Variants in POLA1 observed in about 807,000 individuals in gnomAD.
The protein encoded by POLA1 is DNA polymerase alpha catalytic subunit.
In POLA1, 15 loss-of-function variants were observed where a neutral mutation model predicts 124.0. That is an observed-to-expected ratio of 0.12 (90% CI 0.08 to 0.19). POLA1 has a LOEUF of 0.19. Ranked by LOEUF, POLA1 falls within the 10% of genes least tolerant of loss-of-function variation. The pLI, the probability that POLA1 is intolerant of heterozygous loss-of-function variation, is 1.00. For missense variants in POLA1, 886 were observed against 1,103.4 expected, an observed-to-expected ratio of 0.80 and a Z score of 2.79; for synonymous variants, 408 against 389.4, an observed-to-expected ratio of 1.05 and a Z score of -0.56.
rs190869214 is a variant in POLA1, at chrX:24,723,954, C to T, written c.1201-381C>T. ...TTGGCCTCCCAAAGTGCTGGGATTA[C>T]AGGCATGAGCCACTGCGCTCAGTCT... On this transcript the variant is annotated intron_variant, in intron 11 of 36. Coordinates refer to ENST00000379068, the MANE Select transcript of POLA1 (RefSeq NM_001330360.2). Among the ~76,000 whole-genome samples, 137 of 112,925 alleles carry T rather than the reference C, an allele frequency of 1.2e-3. 1 individual carries two copies. Among genetic ancestry groups the T allele is most frequent in the African/African-American group, 4.0e-3 (126 of 31,146 alleles).
intron 31 of POLA1, among the ~76,000 whole-genome samples, chrX:24,825,026 A>G (rs1213649659): frequency 8.9e-6 from 1 of 111,754 alleles, no homozygotes; most frequent in East Asian, 2.8e-4. Flanking sequence ...TAAATTGTTC[A>G]GATTTTATGT....
intron 36 of POLA1, among the ~76,000 whole-genome samples, chrX:24,962,269 T>TAA (rs779845989): frequency 9.1e-6 from 1 of 110,480 alleles, no homozygotes; most frequent in African/African-American, 3.3e-5. Context: ...TGAAAAACTG[T>TAA]AAAAAAAAGT....
At chrX:24,884,592 G>A (rs2047042172) in intron 34 of POLA1, among the ~76,000 whole-genome samples, 1 of 112,086 alleles carries the variant, frequency 8.9e-6, no homozygotes, top group African/African-American at 3.2e-5. Context: ...TATGATTAGG[G>A]CCTATTTCCT....
At chrX:24,788,831 C>T in intron 26 of POLA1, 1 of 1,191,671 alleles carries the variant, frequency 8.4e-7, no homozygotes, top group Non-Finnish European at 1.1e-6. Context: ...ATCGGCAGGA[C>T]CATACTTGCC....
At chrX:24,757,304 G>A (rs1196893874) in intron 26 of POLA1, among the ~76,000 whole-genome samples, 1 of 110,942 alleles carries the variant, frequency 9.0e-6, no homozygotes, top group Non-Finnish European at 1.9e-5. Context: ...TGGTAATTCA[G>A]ATGGAATGAG....
chrX:24,813,141 A>G (rs779622695), intron 29 of POLA1, among the ~76,000 whole-genome samples: 1 of 111,205 alleles, frequency 9.0e-6, no homozygotes, highest in South Asian at 3.9e-4. Flanking sequence ...TTCACACTTC[A>G]GATCCTTATA....
intron 26 of POLA1, among the ~76,000 whole-genome samples, chrX:24,798,523 T>G (rs1327380095): frequency 9.0e-6 from 1 of 111,582 alleles, no homozygotes; most frequent in Non-Finnish European, 1.9e-5. Flanking sequence ...TAACATTTTT[T>G]TCTATAGTTT....
intron 36 of POLA1, among the ~76,000 whole-genome samples, chrX:24,966,016 G>A (rs758565259): frequency 1.8e-5 from 2 of 111,798 alleles, no homozygotes; most frequent in South Asian, 3.7e-4. Context: ...TTCGTAAGAT[G>A]ACAAAAGCCC....
Position 24,874,020 on chromosome X carries a change from G to C in POLA1, c.4048-13986G>C, listed in dbSNP as rs764903844. Among the ~76,000 whole-genome samples the C allele has an allele frequency of 2.7e-5, 3 of 111,765 alleles. No homozygotes were observed. In the South Asian group the frequency reaches 1.1e-3, roughly 42 times the overall value. On this transcript the variant is annotated intron_variant, in intron 34 of 36. Coordinates refer to ENST00000379068, the MANE Select transcript of POLA1 (RefSeq NM_001330360.2). ...ACTGGCTCATATATTAAGTAGCATA[G>C]ATGTAGTATGTAAAAAGCACTGGAC...
At chrX:24,788,581 T>A (rs1376891213) in intron 26 of POLA1, 1 of 1,188,242 alleles carries the variant, frequency 8.4e-7, no homozygotes. Flanking sequence ...CTTGAATGCT[T>A]CTGACGCGCT....
intron 25 of POLA1, 55 bp downstream of exon 25, chrX:24,748,515 A>G: frequency 1.1e-5 from 11 of 978,100 alleles, no homozygotes; most frequent in Non-Finnish European, 1.6e-5. Context: ...TTACAGTTTG[A>G]TTATTTATGA....
chrX:24,708,167 C>T (rs1928938125), intron 4 of POLA1, among the ~76,000 whole-genome samples: 1 of 111,394 alleles, frequency 9.0e-6, no homozygotes, highest in South Asian at 3.9e-4. Context: ...GAGATTAAAG[C>T]CCTCTCATGA....
intron 26 of POLA1, among the ~76,000 whole-genome samples, chrX:24,786,212 T>C (rs903566400): frequency 5.3e-5 from 6 of 112,482 alleles, no homozygotes; most frequent in African/African-American, 1.9e-4. Context: ...ACTGATTTCA[T>C]TTCCTTTGGA....
intron 36 of POLA1, among the ~76,000 whole-genome samples, chrX:24,968,563 C>T (rs1010898529): frequency 5.5e-5 from 6 of 109,659 alleles, no homozygotes; most frequent in African/African-American, 1.0e-4. Context: ...GCTGGGCGTG[C>T]GTGGTGGCGG....
chrX:24,960,405 G>A (rs2048155837), intron 36 of POLA1, among the ~76,000 whole-genome samples: 1 of 111,873 alleles, frequency 8.9e-6, no homozygotes, highest in South Asian at 3.8e-4. Context: ...GGCACTCTGA[G>A]GAGATTGAAG....
At chrX:24,972,954 G>C (rs965366522) in intron 36 of POLA1, among the ~76,000 whole-genome samples, 1 of 112,258 alleles carries the variant, frequency 8.9e-6, no homozygotes, top group African/African-American at 3.2e-5. Flanking sequence ...GCCAATTCTG[G>C]CTTAGATATT....
intron 35 of POLA1, among the ~76,000 whole-genome samples, chrX:24,917,196 G>A (rs2047546148): frequency 9.1e-6 from 1 of 110,380 alleles, no homozygotes; most frequent in Non-Finnish European, 1.9e-5. Context: ...GGAAGCTGAG[G>A]CAGGAGAATT....
chrX:24,843,537 C>T lies in POLA1; in HGVS notation c.3916-9C>T. On this transcript the variant is annotated splice_polypyrimidine_tract_variant and intron_variant, in intron 33 of 36. Transcript: ENST00000379068. ...GTAATTTTTTGTATACTTCTCCTGA[C>T]TTATGTAGGGAACAGATATGGAGCC... is the stretch of plus-strand genomic sequence containing the variant. The T allele has an allele frequency of 8.5e-7, 1 of 1,172,238 alleles. No individual in the cohort carries two copies. Among genetic ancestry groups the T allele is most frequent in the Non-Finnish European group, 1.1e-6 (1 of 875,563 alleles).
In POLA1 at chrX:24,809,935, T is replaced by C; in HGVS notation, c.2997+5T>C. On this transcript the variant is annotated splice_donor_5th_base_variant and intron_variant, in intron 27 of 36. Coordinates refer to ENST00000379068, the MANE Select transcript of POLA1 (RefSeq NM_001330360.2). Reference sequence around the variant, plus strand: ...ACGAAAGAGATGGTACAAAAGGTAATGTTGAGCATTTTCATTGTGTAAAAC... The same window carrying C: ...ACGAAAGAGATGGTACAAAAGGTAACGTTGAGCATTTTCATTGTGTAAAAC... 1 of 1,073,759 alleles carries C rather than the reference T, an allele frequency of 9.3e-7. No homozygotes were observed. The highest frequency in any genetic ancestry group is 1.3e-6 in the Non-Finnish European group (1 of 784,208). 88.5% of individuals were successfully genotyped at this position (1,073,759 alleles called of 1,213,427 possible). A position where few individuals can be genotyped will look rare whatever the true frequency, so the allele number is the denominator to read the frequency against.
Sources: gnomAD v4.1 joint callset for allele counts (sites outside exome capture counted in the v4.1 genomes callset) on GRCh38, gnomAD v4.1.1 for gene constraint, MANE v1.5 for transcripts, NCBI Gene and HGNC (gene_info 2026-07-23, HGNC 2026-07-21) for gene names.